The following GNAL variants were observed in gnomAD, a reference collection of about 807,000 sequenced individuals.
GNAL encodes guanine nucleotide-binding protein G(olf) subunit alpha.
In GNAL, 18 loss-of-function variants were observed where a neutral mutation model predicts 55.1. That is an observed-to-expected ratio of 0.33 (90% confidence interval 0.23 to 0.48). The LOEUF (loss-of-function observed/expected upper bound fraction) is 0.48, where lower values mean the gene tolerates loss of function less well. GNAL is among the 20% of genes least tolerant of loss of function. GNAL has a pLI of 0.99. For synonymous variants in GNAL, 253 were observed against 237.0 expected, an observed-to-expected ratio of 1.07 and a Z score of -0.62; for missense variants, 412 against 614.1, an observed-to-expected ratio of 0.67 and a Z score of 3.48.
chr18:11,872,514 A>G (rs1030247394), intron 10 of GNAL, 116 bp downstream of exon 10: 4 of 716,774 alleles, frequency 5.6e-6, no homozygotes, highest in South Asian at 3.5e-5. Context: ...ATTTAAATCA[A>G]TTTTCTTTCT....
At chr18:11,831,524 G>A (rs1319940241) in intron 5 of GNAL, among the ~76,000 whole-genome samples, 1 of 152,114 alleles carries the variant, frequency 6.6e-6, no homozygotes, top group Non-Finnish European at 1.5e-5. Context: ...TGGCATGCAA[G>A]GAATGGAAAC....
At chr18:11,810,631 C>T (rs941979607) in intron 4 of GNAL, 1 of 152,296 alleles carries the variant, frequency 6.6e-6, no homozygotes, top group African/African-American at 2.4e-5. Context: ...ACTAGCATCC[C>T]CTTACCCCAC....
At position 11,884,337 on chromosome 18, in the gene GNAL, G is replaced by T. The variant is rs1598462974; in HGVS notation, c.*3202G>T. ...TTCAGTGATTGAGAATTTCTGTGCT[G>T]TGCAGAGAGACGGCCTGTAATTGGT... On this transcript the variant is annotated 3_prime_UTR_variant, in exon 12 of 12. Transcript: ENST00000334049. 8.8e-6 allele frequency: 9 copies of T among 1,026,064 alleles called. No individual in the cohort carries two copies. The East Asian group carries it at 1.7e-4, about 19-fold the overall frequency. 63.6% of individuals were successfully genotyped at this position (1,026,064 alleles called of 1,614,324 possible). A position where few individuals can be genotyped will look rare whatever the true frequency, so the allele number is the denominator to read the frequency against.
At chr18:11,705,874 G>A (rs1243510106) in intron 1 of GNAL, among the ~76,000 whole-genome samples, 3 of 150,270 alleles carry the variant, frequency 2.0e-5, no homozygotes, top group Non-Finnish European at 2.9e-5. Context: ...CCCTGCCTTA[G>A]CCTCCTGAGT....
intron 8 of GNAL, 29 bp downstream of exon 8, chr18:11,867,255 T>C: frequency 2.2e-6 from 3 of 1,381,186 alleles, no homozygotes; most frequent in Non-Finnish European, 3.1e-6. Context: ...CTCAAGAAAA[T>C]AGGAGTGAAT....
intron 1 of GNAL, among the ~76,000 whole-genome samples, chr18:11,709,519 TTCTC>T (rs2016821957): frequency 1.3e-5 from 2 of 152,114 alleles, no homozygotes; most frequent in African/African-American, 4.8e-5. Flanking sequence ...ATAAAGGTCT[TTCTC>T]CTCCTTGGTT....
rs2032896619 is a variant in GNAL, at chr18:11,752,716, G to A, written c.377-137G>A. On this transcript the variant is annotated intron_variant, in intron 1 of 11. Coordinates refer to ENST00000334049, the MANE Select transcript of GNAL (RefSeq NM_182978.4). This position sits in a 1 kb window ranked among gnomAD's most constrained non-coding sequence, Gnocchi z 4.5. ...CCGCGGAGCCCAGACGGCGGCCGGG[G>A]CGAGCTCCTCCAGCCAGGAACCCGC... 2 of 1,172,334 alleles carry A rather than the reference G, an allele frequency of 1.7e-6. No individual in the cohort carries two copies. The highest frequency in any genetic ancestry group is 4.9e-5 in the Admixed American group (2 of 40,568). 72.6% of individuals were successfully genotyped at this position (1,172,334 alleles called of 1,614,324 possible).
At chr18:11,837,820 C>T (rs915029018) in intron 5 of GNAL, among the ~76,000 whole-genome samples, 3 of 152,186 alleles carry the variant, frequency 2.0e-5, no homozygotes, top group Non-Finnish European at 2.9e-5. Context: ...GGCAAATACT[C>T]ATAGCAGCAT....
chr18:11,770,455 CAT>C (rs992957558), intron 4 of GNAL, among the ~76,000 whole-genome samples: 1 of 152,182 alleles, frequency 6.6e-6, no homozygotes. Flanking sequence ...ATGTGAGAAT[CAT>C]ATGAGTTTGA....
intron 9 of GNAL, among the ~76,000 whole-genome samples, chr18:11,869,232 C>T (rs146832234): frequency 1.2e-3 from 189 of 152,168 alleles, no homozygotes; most frequent in Non-Finnish European, 1.9e-3. Flanking sequence ...CAAGCTCCAC[C>T]TCCCGGGTTC....
chr18:11,690,644 G>A (rs563500264), intron 1 of GNAL, among the ~76,000 whole-genome samples: 1,399 of 124,322 alleles, frequency 0.011, 16 homozygotes, highest in Middle Eastern at 0.041. Context: ...AGAGTGTGAT[G>A]TTCCCCTTCC....
chr18:11,855,332 A>G (rs895068411), intron 5 of GNAL, among the ~76,000 whole-genome samples: 1 of 152,224 alleles, frequency 6.6e-6, no homozygotes, highest in African/African-American at 2.4e-5. Context: ...ATAATTTACA[A>G]AAGTATCCAA....
In GNAL at chr18:11,746,175, G is replaced by A. The variant is rs1464103919; in HGVS notation, c.377-6678G>A. On this transcript the variant is annotated intron_variant, in intron 1 of 11. Transcript: ENST00000334049. ...GGATTTAAAGGCAAATGGCAAAGTTGCATCTGTGGAAATGGTTAAATATCA... is the reference window on the plus strand; with the variant it reads ...GGATTTAAAGGCAAATGGCAAAGTTACATCTGTGGAAATGGTTAAATATCA... The A allele has an allele frequency of 2.4e-5, 13 of 546,766 alleles. No homozygotes were observed. The East Asian group carries it at 4.9e-4, about 21-fold the overall frequency. 33.9% of individuals were successfully genotyped at this position (546,766 alleles called of 1,614,324 possible).
chr18:11,860,716 A>G (rs1002998789), intron 5 of GNAL, among the ~76,000 whole-genome samples: 2 of 152,130 alleles, frequency 1.3e-5, no homozygotes, highest in Admixed American at 6.5e-5. Flanking sequence ...TGACTAATGA[A>G]AGACAAGGGT....
intron 4 of GNAL, among the ~76,000 whole-genome samples, chr18:11,804,714 A>G (rs1260655606): frequency 7.7e-6 from 1 of 129,746 alleles, no homozygotes; most frequent in Non-Finnish European, 1.6e-5. Flanking sequence ...GTGGTGAAGT[A>G]CAGGAGCGGT....
intron 5 of GNAL, among the ~76,000 whole-genome samples, chr18:11,844,933 T>G (rs923050886): frequency 3.3e-5 from 5 of 152,204 alleles, no homozygotes; most frequent in African/African-American, 1.2e-4. Flanking sequence ...TGATGTGATC[T>G]TGGCTCACTG....
At chr18:11,737,235 G>A (rs1309943246) in intron 1 of GNAL, among the ~76,000 whole-genome samples, 1 of 152,166 alleles carries the variant, frequency 6.6e-6, no homozygotes, top group East Asian at 1.9e-4. Context: ...ATATTCATCT[G>A]AGGACTACTA....
chr18:11,878,112 T>G (rs2036575568), intron 11 of GNAL, among the ~76,000 whole-genome samples: 1 of 152,218 alleles, frequency 6.6e-6, no homozygotes, highest in Non-Finnish European at 1.5e-5. Context: ...TAATGAGAAC[T>G]AAATGTTAAT....
Position 11,885,010 on chromosome 18 carries a change from C to G in GNAL, c.*3875C>G. 1 of 1,299,574 alleles carries G rather than the reference C, an allele frequency of 7.7e-7. No homozygotes were observed. The highest frequency in any genetic ancestry group is 1.0e-6 in the Non-Finnish European group (1 of 995,916). 80.5% of individuals were successfully genotyped at this position (1,299,574 alleles called of 1,614,324 possible). A position where few individuals can be genotyped will look rare whatever the true frequency, so the allele number is the denominator to read the frequency against. The stretch of plus-strand genomic sequence containing the variant: ...AGGAACAAGGAGGGAAAGGTGTCTT[C>G]CTGCCCCTTGATGCTCAACTAAGCA... On this transcript the variant is annotated 3_prime_UTR_variant, in exon 12 of 12. Transcript: ENST00000334049.
Sources: gnomAD v4.1 joint callset for allele counts (sites outside exome capture counted in the v4.1 genomes callset) on GRCh38, gnomAD v4.1.1 for gene constraint, Gnocchi (gnomAD v3.1) non-coding constraint, MANE v1.5 for transcripts, NCBI Gene and HGNC (gene_info 2026-07-23, HGNC 2026-07-21) for gene names.